FSIP1: variants seen among roughly 807,000 people sequenced by gnomAD.
FSIP1 encodes the protein fibrous sheath interacting protein 1.
In FSIP1, 65 loss-of-function variants were observed where a neutral mutation model predicts 60.9. That is an observed-to-expected ratio of 1.07 (90% CI 0.87 to 1.31). FSIP1 has a LOEUF of 1.31. Among genes scored for constraint, FSIP1 ranks in the 40% most tolerant of loss-of-function variants. The pLI is 0.00. For synonymous variants in FSIP1, 209 were observed against 221.2 expected (o/e 0.94, Z 0.49); for missense variants, 675 against 665.5 (o/e 1.01, Z -0.16).
chr15:39,676,326 G>C (rs1022838303), intron 10 of FSIP1, among the ~76,000 whole-genome samples: 1 of 152,148 alleles, frequency 6.6e-6, no homozygotes, highest in Admixed American at 6.5e-5. Flanking sequence ...CCACAATACA[G>C]TGTCCATCTG....
At chr15:39,636,418 T>C (rs11856971) in intron 10 of FSIP1, among the ~76,000 whole-genome samples, 22,669 of 152,180 alleles carry the variant, frequency 0.15, 1,892 homozygotes, top group East Asian at 0.32. Flanking sequence ...TTGTCATTGG[T>C]GTCTTGAGGC....
chr15:39,711,829 C>T (rs900597451), intron 10 of FSIP1, among the ~76,000 whole-genome samples: 17 of 151,856 alleles, frequency 1.1e-4, no homozygotes, highest in Admixed American at 7.2e-4. Flanking sequence ...GGACTACGGG[C>T]GCACACTGCC....
intron 2 of FSIP1, 68 bp downstream of exon 2, chr15:39,776,331 A>C: frequency 2.0e-6 from 3 of 1,469,064 alleles, no homozygotes; most frequent in Non-Finnish European, 2.8e-6. Context: ...TGTTAACAAC[A>C]ACCTTAGTTT....
chr15:39,728,411 A>C (rs1430266871), intron 8 of FSIP1, among the ~76,000 whole-genome samples: 1 of 152,234 alleles, frequency 6.6e-6, no homozygotes, highest in Non-Finnish European at 1.5e-5. Flanking sequence ...CAGTCACCAA[A>C]ACATCATGGT....
intron 10 of FSIP1, among the ~76,000 whole-genome samples, chr15:39,691,083 G>A (rs918215510): frequency 3.9e-5 from 6 of 152,162 alleles, no homozygotes; most frequent in African/African-American, 1.4e-4. Context: ...AATCAGCACT[G>A]TGAGACTTTG....
intron 10 of FSIP1, among the ~76,000 whole-genome samples, chr15:39,686,186 CAAGA>C (rs1894367557): frequency 6.6e-6 from 1 of 152,154 alleles, no homozygotes; most frequent in Admixed American, 6.5e-5. Flanking sequence ...TTTCCACTGG[CAAGA>C]AAGAGAACAC....
intron 5 of FSIP1, among the ~76,000 whole-genome samples, chr15:39,748,457 A>T (rs1897066317): frequency 6.6e-6 from 1 of 152,264 alleles, no homozygotes; most frequent in East Asian, 1.9e-4. Context: ...CAGGCAAAAC[A>T]ATTCTCCGTG....
At chr15:39,754,508 A>T (rs1292966642) in intron 5 of FSIP1, among the ~76,000 whole-genome samples, 1 of 152,102 alleles carries the variant, frequency 6.6e-6, no homozygotes, top group Non-Finnish European at 1.5e-5. Context: ...AATCTGATAG[A>T]GAAATGCTGA....
intron 2 of FSIP1, among the ~76,000 whole-genome samples, chr15:39,772,973 C>T (rs907644859): frequency 1.2e-4 from 18 of 152,010 alleles, no homozygotes; most frequent in African/African-American, 4.3e-4. Flanking sequence ...TCATGAAACC[C>T]CTTACTAGTA....
rs554032242 is a variant in FSIP1, at chr15:39,637,557, A to G, written c.1189-19312T>C. Reference sequence around the variant, plus strand: ...GCCACTTCAGTAAACTGATGTTTCTATCATCACTGTACACATTGAGTAGAC... The same window carrying G: ...GCCACTTCAGTAAACTGATGTTTCTGTCATCACTGTACACATTGAGTAGAC... On this transcript the variant is annotated intron_variant, in intron 10 of 11. Coordinates refer to ENST00000350221, the MANE Select transcript of FSIP1 (RefSeq NM_152597.5). Among the ~76,000 whole-genome samples the G allele has an allele frequency of 2.0e-3, 301 of 152,330 alleles. 1 individual carries two copies. Among genetic ancestry groups the G allele is most frequent in the Middle Eastern group, 3.4e-3 (1 of 294 alleles).
At chr15:39,679,397 G>A (rs911465470) in intron 10 of FSIP1, among the ~76,000 whole-genome samples, 1 of 152,170 alleles carries the variant, frequency 6.6e-6, no homozygotes, top group African/African-American at 2.4e-5. Flanking sequence ...CTGGTCATAG[G>A]CTCAGCTACT....
At chr15:39,691,681 T>G (rs1894607344) in intron 10 of FSIP1, among the ~76,000 whole-genome samples, 1 of 152,190 alleles carries the variant, frequency 6.6e-6, no homozygotes, top group Non-Finnish European at 1.5e-5. Flanking sequence ...TGGGTACACT[T>G]TTTTTCATGG....
At chr15:39,636,356 G>C (rs1447246034) in intron 10 of FSIP1, among the ~76,000 whole-genome samples, 1 of 152,150 alleles carries the variant, frequency 6.6e-6, no homozygotes, top group Admixed American at 6.5e-5. Context: ...TATCAATTGG[G>C]AAAGTCTTGC....
intron 10 of FSIP1, among the ~76,000 whole-genome samples, chr15:39,667,566 T>C (rs1013596535): frequency 2.0e-5 from 3 of 152,172 alleles, no homozygotes; most frequent in Admixed American, 6.5e-5. Flanking sequence ...ACAGACCCAG[T>C]CACTGCCCTT....
chr15:39,700,978 C>T (rs773752454), intron 10 of FSIP1, among the ~76,000 whole-genome samples: 45 of 152,076 alleles, frequency 3.0e-4, no homozygotes, highest in Admixed American at 1.7e-3. Flanking sequence ...ATAGTGAGAC[C>T]TCACCTCTAC....
intron 10 of FSIP1, among the ~76,000 whole-genome samples, chr15:39,650,255 T>A (rs1892810900): frequency 6.6e-6 from 1 of 152,246 alleles, no homozygotes; most frequent in South Asian, 2.1e-4. Context: ...ACAAAATTCC[T>A]TGGCCATAAA....
intron 10 of FSIP1, among the ~76,000 whole-genome samples, chr15:39,684,754 A>G (rs1894297475): frequency 1.3e-5 from 2 of 152,192 alleles, no homozygotes; most frequent in Non-Finnish European, 2.9e-5. Flanking sequence ...CCTGGGCTTT[A>G]CCATGTGGTG....
chr15:39,628,466 GA>G (rs1342859783), intron 10 of FSIP1, among the ~76,000 whole-genome samples: 1 of 152,234 alleles, frequency 6.6e-6, no homozygotes, highest in East Asian at 1.9e-4. Flanking sequence ...TAAAAGGAGT[GA>G]GGCAGGAGAA....
intron 9 of FSIP1, among the ~76,000 whole-genome samples, chr15:39,720,290 G>A (rs1895902294): frequency 2.0e-5 from 3 of 152,100 alleles, no homozygotes; most frequent in Non-Finnish European, 2.9e-5. Flanking sequence ...TGGCAAGAAA[G>A]GAGATCAATA....
Sources: allele counts gnomAD v4.1 joint callset (sites outside exome capture counted in the v4.1 genomes callset), GRCh38; gene constraint gnomAD v4.1.1; transcripts MANE v1.5; gene names NCBI Gene and HGNC (gene_info 2026-07-23, HGNC 2026-07-21).